UCHL5: variants seen among roughly 807,000 people sequenced by gnomAD.
UCHL5 encodes ubiquitin C-terminal hydrolase L5.
A neutral mutation model predicts 53.8 loss-of-function variants in UCHL5; 34 were observed. The ratio of observed to expected loss-of-function variants is 0.63; its 90% CI spans 0.48 to 0.84. The LOEUF (loss-of-function observed/expected upper bound fraction) is 0.84. UCHL5 is among the 40% of genes least tolerant of loss of function. The pLI is 0.00. For synonymous variants in UCHL5, 111 were observed against 126.3 expected, an observed-to-expected ratio of 0.88 and a Z score of 0.81; for missense variants, 290 against 385.6, an observed-to-expected ratio of 0.75 and a Z score of 2.08.
chr1:193,029,176 T>C lies in UCHL5; in HGVS notation c.565+3A>G. 1 of 1,611,246 alleles carries C rather than the reference T, an allele frequency of 6.2e-7. No homozygotes were observed. Among genetic ancestry groups the C allele is most frequent in the Non-Finnish European group, 8.5e-7 (1 of 1,178,942 alleles). On this transcript the variant is annotated splice_donor_region_variant and intron_variant, in intron 6 of 10. Coordinates refer to ENST00000367454, the MANE Select transcript of UCHL5 (RefSeq NM_001199261.3). ...GAAATATCAGGAACAGGAACTGCAT[T>C]ACCTAAATCAATCGGTCCTTCTCTT... is the stretch of plus-strand genomic sequence containing the variant.
chr1:193,025,863 T>A (rs550889496), intron 7 of UCHL5, among the ~76,000 whole-genome samples: 1 of 152,078 alleles, frequency 6.6e-6, no homozygotes, highest in Non-Finnish European at 1.5e-5. Flanking sequence ...AAGAGAAGAA[T>A]ACAATGAAAG....
intron 3 of UCHL5, among the ~76,000 whole-genome samples, chr1:193,035,691 C>A (rs1663104602): frequency 6.6e-6 from 1 of 151,926 alleles, no homozygotes; most frequent in Non-Finnish European, 1.5e-5. Flanking sequence ...CACAAAGAAA[C>A]CCAGAATAAT....
upstream of UCHL5, chr1:193,059,451 C>G: frequency 6.2e-7 from 1 of 1,609,776 alleles, no homozygotes; most frequent in South Asian, 1.1e-5. This position sits in a 1 kb window ranked among gnomAD's most constrained non-coding sequence, Gnocchi z 4.9. Context: ...CTCTAGCCAC[C>G]CTAGAGACAT....
chr1:193,058,148 C>A (rs1027528822), intron 1 of UCHL5, among the ~76,000 whole-genome samples: 1 of 152,024 alleles, frequency 6.6e-6, no homozygotes, highest in African/African-American at 2.4e-5. Context: ...ATTCGCTTGA[C>A]CCCGAGAGAT....
At chr1:193,045,170 C>T (rs978095472) in intron 3 of UCHL5, among the ~76,000 whole-genome samples, 7 of 152,036 alleles carry the variant, frequency 4.6e-5, no homozygotes, top group African/African-American at 1.4e-4. Context: ...ATGAACGGTT[C>T]GGTCTGCATT....
chr1:193,029,315 GTAAA>G lies in UCHL5; in HGVS notation c.435-10_435-7del, dbSNP rs775729867. On this transcript the variant is annotated splice_region_variant and splice_polypyrimidine_tract_variant and intron_variant, in intron 5 of 10. Coordinates refer to ENST00000367454, the MANE Select transcript of UCHL5 (RefSeq NM_001199261.3). Reference sequence around the variant, plus strand: ...CAAATTCAAACATTTGCTGTCTACAGTAAATAAAAAAATAGTGAAACTCAAAGAA... The same window carrying G: ...CAAATTCAAACATTTGCTGTCTACAGTAAAAAAATAGTGAAACTCAAAGAA... The G allele has an allele frequency of 6.2e-7, 1 of 1,612,986 alleles. No homozygotes were observed. The highest frequency in any genetic ancestry group is 8.5e-7 in the Non-Finnish European group (1 of 1,179,560).
Position 193,015,958 on chromosome 1 carries a change from TTAA to T in UCHL5, c.*390_*392del, listed in dbSNP as rs766470856. 1.2e-5 allele frequency: 2 copies of T among 166,822 alleles called. No individual in the cohort carries two copies. Among genetic ancestry groups the T allele is most frequent in the Non-Finnish European group, 2.6e-5 (2 of 77,996 alleles). The allele number at this position is 166,822 out of a possible 1,614,324, so 10.3% of individuals were successfully genotyped here. On this transcript the variant is annotated 3_prime_UTR_variant, in exon 11 of 11. Transcript: ENST00000367454. ...GATAGAAATACTGATTTTTTTTCCG[TTAA>T]TGATGAGAAGAAATAAGACAACCAG...
chr1:193,029,142 G>A (rs111326590), intron 6 of UCHL5, 37 bp downstream of exon 6: 1 of 1,597,768 alleles, frequency 6.3e-7, no homozygotes, highest in East Asian at 2.2e-5. Flanking sequence ...ATTTTCCCCT[G>A]TCAAAAGTGA....
chr1:193,041,801 T>C (rs1451655227), intron 3 of UCHL5, among the ~76,000 whole-genome samples: 2 of 152,106 alleles, frequency 1.3e-5, no homozygotes, highest in African/African-American at 4.8e-5. Context: ...AATAAACTTA[T>C]GGATGAATCT....
intron 10 of UCHL5, chr1:193,020,087 A>C: frequency 1.0e-6 from 1 of 985,004 alleles, no homozygotes; most frequent in Non-Finnish European, 1.2e-6. Flanking sequence ...GCATGAACAG[A>C]AAAACCTATA....
chr1:193,016,781 A>C (rs1358159694), intron 10 of UCHL5, among the ~76,000 whole-genome samples: 1 of 151,866 alleles, frequency 6.6e-6, no homozygotes, highest in Non-Finnish European at 1.5e-5. Context: ...TAGTTTCTGC[A>C]AATGTGAATA....
rs369453832 is a variant in UCHL5 at position 193,039,141 on chromosome 1, C to T, written c.247-9484G>A. Reference sequence around the variant, plus strand: ...GTAGGCCAGGTGCAGTGGCTCAAGCCTGTAATCCCAGTACTTTGGGAGCCC... The same window carrying T: ...GTAGGCCAGGTGCAGTGGCTCAAGCTTGTAATCCCAGTACTTTGGGAGCCC... On this transcript the variant is annotated intron_variant, in intron 3 of 10. Transcript: ENST00000367454. Among the ~76,000 whole-genome samples, 4 of 152,324 alleles carry T rather than the reference C, an allele frequency of 2.6e-5. No homozygotes were observed. In the East Asian group the frequency reaches 7.7e-4, roughly 29 times the overall value.
rs140426648 is a variant in UCHL5 at position 193,037,364 on chromosome 1, A to C, written c.247-7707T>G. Among the ~76,000 whole-genome samples, 445 of 152,260 alleles carry C rather than the reference A, an allele frequency of 2.9e-3. 3 individuals carry two copies. The highest frequency in any genetic ancestry group is 9.4e-3 in the African/African-American group (391 of 41,560). ...ATTAGAAACTATTATGAACAGCTAT[A>C]TACAAAAAAATTGGAAAACCTAGAA... On this transcript the variant is annotated intron_variant, in intron 3 of 10. Transcript: ENST00000367454.
rs546992342 is a variant in UCHL5, at chr1:193,026,637, T to C, written c.629+1448A>G. Reference sequence around the variant, plus strand: ...GCAGAGGAACTAGACCGTTCATATATTGCTGGTAGAAATATAAAATGGTAC... The same window carrying C: ...GCAGAGGAACTAGACCGTTCATATACTGCTGGTAGAAATATAAAATGGTAC... On this transcript the variant is annotated intron_variant, in intron 7 of 10. Transcript: ENST00000367454. Among the ~76,000 whole-genome samples, 6 of 152,210 alleles carry C rather than the reference T, an allele frequency of 3.9e-5. No homozygotes were observed. The South Asian group carries it at 8.3e-4, about 21-fold the overall frequency.
intron 7 of UCHL5, among the ~76,000 whole-genome samples, chr1:193,024,864 T>C (rs1313465149): frequency 2.0e-5 from 3 of 152,112 alleles, no homozygotes; most frequent in African/African-American, 7.2e-5. Flanking sequence ...AACATAACTA[T>C]AGTAATTTGA....
intron 3 of UCHL5, among the ~76,000 whole-genome samples, chr1:193,030,390 G>A (rs959708284): frequency 6.6e-6 from 1 of 152,158 alleles, no homozygotes; most frequent in African/African-American, 2.4e-5. Context: ...GCACAAAGAG[G>A]TAAGTGCCCA....
At chr1:193,035,670 AAAAGT>A (rs1663095849) in intron 3 of UCHL5, among the ~76,000 whole-genome samples, 1 of 152,116 alleles carries the variant, frequency 6.6e-6, no homozygotes. Context: ...ATCCACTGGT[AAAAGT>A]AAATACACAA....
intron 3 of UCHL5, among the ~76,000 whole-genome samples, chr1:193,044,585 A>G (rs1666774539): frequency 6.6e-6 from 1 of 152,118 alleles, no homozygotes; most frequent in African/African-American, 2.4e-5. Flanking sequence ...AGAGTATATG[A>G]TCAGCACAAA....
rs1297613122 is a variant in UCHL5 at position 193,059,288 on chromosome 1, A to C, written c.-28T>G. The C allele has an allele frequency of 1.2e-6, 2 of 1,612,470 alleles. No homozygotes were observed. The highest frequency in any genetic ancestry group is 1.7e-5 in the Admixed American group (1 of 59,858). ...CCCTGGCCACACACCGCCCCGATCC[A>C]CCTCTCGCTCTCAGCTGCCCCCCGC... On this transcript the variant is annotated 5_prime_UTR_variant, in exon 1 of 11. Coordinates refer to ENST00000367454, the MANE Select transcript of UCHL5 (RefSeq NM_001199261.3). This position sits in a 1 kb window ranked among gnomAD's most constrained non-coding sequence, Gnocchi z 4.9.
Sources: gnomAD v4.1 joint callset for allele counts (sites outside exome capture counted in the v4.1 genomes callset) on GRCh38, gnomAD v4.1.1 for gene constraint, Gnocchi (gnomAD v3.1) non-coding constraint, MANE v1.5 for transcripts, NCBI Gene and HGNC (gene_info 2026-07-23, HGNC 2026-07-21) for gene names.